PCMTD1: variants seen among roughly 807,000 people sequenced by gnomAD.
PCMTD1 encodes the protein protein-L-isoaspartate (D-aspartate) O-methyltransferase domain containing 1, also known as protein-L-isoaspartate O-methyltransferase domain-containing protein 1.
A neutral mutation model predicts 37.6 loss-of-function variants in PCMTD1; 12 were observed. The ratio of observed to expected loss-of-function variants is 0.32; its 90% confidence interval spans 0.20 to 0.52. The LOEUF (loss-of-function observed/expected upper bound fraction) is 0.52. Among genes scored for constraint, PCMTD1 ranks in the 20% least tolerant of loss-of-function variants. The pLI, the probability that PCMTD1 is intolerant of heterozygous loss-of-function variation, is 0.97. For synonymous variants in PCMTD1, 117 were observed against 135.8 expected, an observed-to-expected ratio of 0.86 and a Z score of 0.96; for missense variants, 235 against 421.3, an observed-to-expected ratio of 0.56 and a Z score of 3.87.
At chr8:51,823,765 T>G (rs1368484613) in intron 5 of PCMTD1, among the ~76,000 whole-genome samples, 1 of 152,048 alleles carries the variant, frequency 6.6e-6, no homozygotes, top group African/African-American at 2.4e-5. Flanking sequence ...CAGGCCAATA[T>G]CCCTGATGAA....
chr8:51,844,470 A>G (rs1210187696), intron 3 of PCMTD1, among the ~76,000 whole-genome samples: 1 of 152,174 alleles, frequency 6.6e-6, no homozygotes, highest in Non-Finnish European at 1.5e-5. Context: ...ACACCTAGGT[A>G]GACACAAGAC....
In PCMTD1 at chr8:51,819,119, T is replaced by C. The variant is rs2037807701; in HGVS notation, c.*1232A>G. 1 of 152,092 alleles carries C rather than the reference T, an allele frequency of 6.6e-6. No homozygotes were observed. The highest frequency in any genetic ancestry group is 1.5e-5 in the Non-Finnish European group (1 of 68,020). The allele number at this position is 152,092 out of a possible 1,614,324, so 9.4% of individuals were successfully genotyped here. A position where few individuals can be genotyped will look rare whatever the true frequency, so the allele number is the denominator to read the frequency against. On this transcript the variant is annotated 3_prime_UTR_variant, in exon 6 of 6. Coordinates refer to ENST00000522514, the MANE Select transcript of PCMTD1 (RefSeq NM_052937.4). ...GATAAGCTAAAATAAAGCTCAAATA[T>C]GGACAGTTTAACTGTGTGATATTAA...
At chr8:51,896,167 A>C (rs2129296947) in intron 1 of PCMTD1, 1 of 152,066 alleles carries the variant, frequency 6.6e-6, no homozygotes, top group East Asian at 1.9e-4. Context: ...GCTGGACTCG[A>C]ACTCCTGACC....
At chr8:51,839,106 AT>A (rs2129278316) in intron 3 of PCMTD1, among the ~76,000 whole-genome samples, 1 of 148,148 alleles carries the variant, frequency 6.8e-6, no homozygotes, top group African/African-American at 2.4e-5. Flanking sequence ...GAAAAAAAAA[AT>A]GTTCAAAACA....
At chr8:51,846,391 G>T (rs1331441028) in intron 2 of PCMTD1, among the ~76,000 whole-genome samples, 1 of 152,150 alleles carries the variant, frequency 6.6e-6, no homozygotes, top group East Asian at 1.9e-4. Flanking sequence ...AATGAATAGA[G>T]GAGAGTTTTC....
chr8:51,899,101 G>T, upstream of PCMTD1: 1 of 1,466,196 alleles, frequency 6.8e-7, no homozygotes, highest in Non-Finnish European at 9.0e-7. Flanking sequence ...GAGCCGCCGG[G>T]GTCCGGGCAT....
chr8:51,898,893 C>A, intron 1 of PCMTD1, 37 bp downstream of exon 1: 1 of 1,308,868 alleles, frequency 7.6e-7, no homozygotes, highest in Non-Finnish European at 9.7e-7. Context: ...GACTCGCACA[C>A]CCCACGACCC....
At chr8:51,882,645 GTGTAGTTTCTCAGTTAT>G (rs973659762) in intron 1 of PCMTD1, among the ~76,000 whole-genome samples, 1 of 151,992 alleles carries the variant, frequency 6.6e-6, no homozygotes, top group African/African-American at 2.4e-5. Context: ...GAGTAACTGA[GTGTAGTTTCTCAGTTAT>G]TTAAGATCAT....
intron 1 of PCMTD1, among the ~76,000 whole-genome samples, chr8:51,887,207 T>C (rs1395199852): frequency 2.0e-5 from 3 of 152,180 alleles, no homozygotes; most frequent in Non-Finnish European, 4.4e-5. Context: ...TAAGGTCACA[T>C]ATTCGCAGGT....
chr8:51,862,351 T>TACACAC (rs375960391), intron 1 of PCMTD1, among the ~76,000 whole-genome samples: 4,291 of 141,430 alleles, frequency 0.03, 61 homozygotes, highest in Admixed American at 0.037. Context: ...ACATGTTTTA[T>TACACAC]ACACATACAC....
intron 1 of PCMTD1, among the ~76,000 whole-genome samples, chr8:51,883,773 G>A (rs772989045): frequency 1.3e-5 from 2 of 152,238 alleles, no homozygotes; most frequent in African/African-American, 4.8e-5. Flanking sequence ...GCAACAAAAT[G>A]AGGCCAAGTA....
intron 3 of PCMTD1, 93 bp from the exon 4 acceptor site, chr8:51,833,782 C>A: frequency 1.2e-6 from 1 of 859,484 alleles, no homozygotes; most frequent in Non-Finnish European, 1.7e-6. Context: ...AATGACGTTA[C>A]CCAAATTAAT....
At chr8:51,891,888 T>C (rs905185757) in intron 1 of PCMTD1, among the ~76,000 whole-genome samples, 10 of 152,148 alleles carry the variant, frequency 6.6e-5, no homozygotes, top group African/African-American at 1.4e-4. Flanking sequence ...CTTCTTCTCT[T>C]GTTAAAGATT....
chr8:51,830,508 C>G (rs1417427961), intron 5 of PCMTD1, among the ~76,000 whole-genome samples: 1 of 152,194 alleles, frequency 6.6e-6, no homozygotes, highest in African/African-American at 2.4e-5. Context: ...CCTCTACCCA[C>G]ACTCCCGAGT....
chr8:51,872,939 A>C (rs1330991264), intron 1 of PCMTD1, among the ~76,000 whole-genome samples: 1 of 152,220 alleles, frequency 6.6e-6, no homozygotes, highest in African/African-American at 2.4e-5. Context: ...AATTCAAATT[A>C]TCTCAATGAT....
chr8:51,833,747 T>C, intron 3 of PCMTD1, 58 bp from the exon 4 acceptor site: 1 of 1,460,882 alleles, frequency 6.8e-7, no homozygotes, highest in Non-Finnish European at 9.3e-7. Flanking sequence ...TCTAAAAAAT[T>C]TACCATAATC....
At chr8:51,865,144 C>G (rs2038532331) in intron 1 of PCMTD1, among the ~76,000 whole-genome samples, 1 of 152,066 alleles carries the variant, frequency 6.6e-6, no homozygotes, top group Non-Finnish European at 1.5e-5. Flanking sequence ...AACAGAAAAT[C>G]TGAACAAACC....
chr8:51,893,374 T>A (rs1197382066), intron 1 of PCMTD1, among the ~76,000 whole-genome samples: 1 of 152,210 alleles, frequency 6.6e-6, no homozygotes, highest in Non-Finnish European at 1.5e-5. Flanking sequence ...AAATTTCATA[T>A]GAACTCTTCA....
intron 1 of PCMTD1, among the ~76,000 whole-genome samples, chr8:51,875,740 G>T (rs988410177): frequency 1.3e-5 from 2 of 152,074 alleles, no homozygotes; most frequent in Non-Finnish European, 2.9e-5. Context: ...GACCAACGTG[G>T]GCAACATGGA....
Sources: allele counts gnomAD v4.1 joint callset (sites outside exome capture counted in the v4.1 genomes callset), GRCh38; gene constraint gnomAD v4.1.1; transcripts MANE v1.5; gene names NCBI Gene and HGNC (gene_info 2026-07-23, HGNC 2026-07-21).